Variants in ADARB2 observed in about 807,000 individuals in gnomAD.
ADARB2 encodes the protein inactive double-stranded RNA-specific editase B2.
A neutral mutation model predicts 62.2 loss-of-function variants in ADARB2; 25 were observed. That is an observed-to-expected ratio of 0.40 (90% CI 0.29 to 0.56). The LOEUF is 0.56. Among genes scored for constraint, ADARB2 ranks in the 20% least tolerant of loss-of-function variants. The pLI is 0.43. For missense variants in ADARB2, 1,071 were observed against 1,077.4 expected (o/e 0.99, Z 0.08); for synonymous variants, 572 against 500.8 (o/e 1.14, Z -1.90).
chr10:1,690,858 A>G (rs1389815508), intron 1 of ADARB2, among the ~76,000 whole-genome samples: 1 of 151,860 alleles, frequency 6.6e-6, no homozygotes, highest in Non-Finnish European at 1.5e-5. Flanking sequence ...TTGCACCTTG[A>G]CAGTCCTTTC....
intron 1 of ADARB2, among the ~76,000 whole-genome samples, chr10:1,612,136 G>A (rs1833580572): frequency 6.6e-6 from 1 of 152,222 alleles, no homozygotes; most frequent in African/African-American, 2.4e-5. Flanking sequence ...TGAGCCGAGG[G>A]GGCCGCCTCT....
intron 1 of ADARB2, among the ~76,000 whole-genome samples, chr10:1,452,319 T>A (rs980725236): frequency 2.0e-5 from 3 of 152,314 alleles, no homozygotes; most frequent in South Asian, 4.1e-4. Context: ...TGGGTTTGAA[T>A]AATTGTGGGA....
At chr10:1,672,015 C>G (rs1834391729) in intron 1 of ADARB2, among the ~76,000 whole-genome samples, 1 of 146,566 alleles carries the variant, frequency 6.8e-6, no homozygotes, top group Admixed American at 6.7e-5. Flanking sequence ...AGAGCCCTAC[C>G]CCATCCCCGA....
At chr10:1,451,875 GC>G (rs1273348240) in intron 1 of ADARB2, among the ~76,000 whole-genome samples, 7 of 152,328 alleles carry the variant, frequency 4.6e-5, no homozygotes, top group Middle Eastern at 3.4e-3. Context: ...CTGTCTTCTC[GC>G]CCACATGTGA....
intron 2 of ADARB2, among the ~76,000 whole-genome samples, chr10:1,376,741 C>A (rs10903434): frequency 0.38 from 57,501 of 151,782 alleles, 11,494 homozygotes; most frequent in Non-Finnish European, 0.45. Flanking sequence ...ATTTCTTTTT[C>A]TCCTGAGGGA....
At chr10:1,220,795 T>G (rs1289371681) in intron 6 of ADARB2, among the ~76,000 whole-genome samples, 1 of 152,244 alleles carries the variant, frequency 6.6e-6, no homozygotes, top group Non-Finnish European at 1.5e-5. Flanking sequence ...CACAACTAAC[T>G]TTCCATGAAG....
chr10:1,437,934 A>T (rs945238228), intron 1 of ADARB2, among the ~76,000 whole-genome samples: 2 of 152,154 alleles, frequency 1.3e-5, no homozygotes, highest in Non-Finnish European at 2.9e-5. Flanking sequence ...GAGGCTCCCC[A>T]CCTGGGGTCT....
At chr10:1,591,290 G>A (rs1833249766) in intron 1 of ADARB2, among the ~76,000 whole-genome samples, 1 of 152,170 alleles carries the variant, frequency 6.6e-6, no homozygotes, top group African/African-American at 2.4e-5. Context: ...AGGGCTGCTC[G>A]GAGGCTCCGC....
intron 1 of ADARB2, among the ~76,000 whole-genome samples, chr10:1,628,823 G>A (rs978838121): frequency 2.0e-5 from 3 of 152,238 alleles, no homozygotes; most frequent in Admixed American, 6.5e-5. Context: ...TGCTCACGGC[G>A]GCCTCCGGCC....
chr10:1,479,814 T>C (rs1238449450), intron 1 of ADARB2, among the ~76,000 whole-genome samples: 1 of 152,232 alleles, frequency 6.6e-6, no homozygotes, highest in Non-Finnish European at 1.5e-5. Flanking sequence ...ACACACTTCA[T>C]TCATTTGTCA....
At chr10:1,615,925 C>T (rs969337004) in intron 1 of ADARB2, among the ~76,000 whole-genome samples, 9 of 152,222 alleles carry the variant, frequency 5.9e-5, no homozygotes, top group African/African-American at 2.2e-4. Flanking sequence ...CAATGGGAAA[C>T]TGTGACCCCT....
At chr10:1,359,399 G>A (rs1184708351) in intron 3 of ADARB2, among the ~76,000 whole-genome samples, 2 of 152,222 alleles carry the variant, frequency 1.3e-5, no homozygotes, top group Non-Finnish European at 2.9e-5. Context: ...TGGGTTAGAT[G>A]AGTCTGATCC....
At chr10:1,702,636 C>T (rs1834836825) in intron 1 of ADARB2, among the ~76,000 whole-genome samples, 1 of 152,186 alleles carries the variant, frequency 6.6e-6, no homozygotes, top group African/African-American at 2.4e-5. Context: ...CTCCAGTGAC[C>T]CTGCTTTGCT....
chr10:1,463,692 T>C (rs1046450035), intron 1 of ADARB2, among the ~76,000 whole-genome samples: 4 of 152,210 alleles, frequency 2.6e-5, no homozygotes, highest in African/African-American at 7.2e-5. Flanking sequence ...CTTAAATAGT[T>C]TGGGCCTTAC....
At chr10:1,684,461 A>G (rs1024126363) in intron 1 of ADARB2, among the ~76,000 whole-genome samples, 3 of 152,186 alleles carry the variant, frequency 2.0e-5, no homozygotes, top group African/African-American at 7.2e-5. Flanking sequence ...CTATATCTGG[A>G]ATAACATAAT....
chr10:1,564,118 T>A (rs1457342943), intron 1 of ADARB2, among the ~76,000 whole-genome samples: 1 of 152,122 alleles, frequency 6.6e-6, no homozygotes, highest in Admixed American at 6.5e-5. Context: ...TATAGCAACA[T>A]GATTTATAGT....
At chr10:1,400,000 G>C (rs1385851286) in intron 1 of ADARB2, among the ~76,000 whole-genome samples, 1 of 152,196 alleles carries the variant, frequency 6.6e-6, no homozygotes, top group Non-Finnish European at 1.5e-5. Flanking sequence ...CTCTTATTTT[G>C]GAGGTTGGCT....
chr10:1,720,792 G>A lies in ADARB2; in HGVS notation c.100+16259C>T, dbSNP rs146133749. Among the ~76,000 whole-genome samples, 162 of 152,260 alleles carry A rather than the reference G, an allele frequency of 1.1e-3. 1 individual carries two copies. The highest frequency in any genetic ancestry group is 3.6e-3 in the African/African-American group (149 of 41,542). On this transcript the variant is annotated intron_variant, in intron 1 of 9. Transcript: ENST00000381312. ...CAGGAAGCTCACTCAAGGCAAATTT[G>A]GGGGCAGCAACTAATATCATATGGA...
At chr10:1,527,121 G>C (rs544056343) in intron 1 of ADARB2, among the ~76,000 whole-genome samples, 1 of 152,192 alleles carries the variant, frequency 6.6e-6, no homozygotes, top group Admixed American at 6.5e-5. Context: ...GGAGCCTGAG[G>C]AGAATGACAA....
Sources: gnomAD v4.1 joint callset for allele counts (sites outside exome capture counted in the v4.1 genomes callset) on GRCh38, gnomAD v4.1.1 for gene constraint, MANE v1.5 for transcripts, NCBI Gene and HGNC (gene_info 2026-07-23, HGNC 2026-07-21) for gene names.